DSCAM: variants seen among roughly 807,000 people sequenced by gnomAD.
DSCAM encodes cell adhesion molecule DSCAM.
DSCAM carries 47 observed loss-of-function variants against 217.7 expected under a neutral mutation model. That is an observed-to-expected ratio of 0.22 (90% CI 0.17 to 0.28). The LOEUF is 0.28. Among genes scored for constraint, DSCAM ranks in the 10% least tolerant of loss-of-function variants. The pLI, the probability that DSCAM is intolerant of heterozygous loss-of-function variation, is 1.00. For synonymous variants in DSCAM, 1,056 were observed against 1,015.3 expected (o/e 1.04, Z -0.76); for missense variants, 2,080 against 2,618.3 (o/e 0.79, Z 4.49).
chr21:40,107,132 A>C (rs2089831317), intron 20 of DSCAM, among the ~76,000 whole-genome samples: 1 of 152,052 alleles, frequency 6.6e-6, no homozygotes, highest in South Asian at 2.1e-4. Flanking sequence ...CTCTCTTAAC[A>C]CTGCCTTAGC....
intron 31 of DSCAM, among the ~76,000 whole-genome samples, chr21:40,043,612 CA>C (rs2088794390): frequency 6.6e-6 from 1 of 152,132 alleles, no homozygotes; most frequent in Non-Finnish European, 1.5e-5. Flanking sequence ...ACCTTATAAC[CA>C]ACCCCTGTTT....
intron 3 of DSCAM, among the ~76,000 whole-genome samples, chr21:40,600,040 G>T (rs1285657464): frequency 6.6e-6 from 1 of 152,166 alleles, no homozygotes; most frequent in Admixed American, 6.5e-5. Context: ...AGAGGAGCTG[G>T]TACCATCCTT....
chr21:40,518,666 G>GTA (rs1274424803), intron 3 of DSCAM, among the ~76,000 whole-genome samples: 1 of 132,282 alleles, frequency 7.6e-6, no homozygotes, highest in Non-Finnish European at 1.6e-5. Flanking sequence ...GTATATATAT[G>GTA]TGTATGTGTG....
intron 32 of DSCAM, among the ~76,000 whole-genome samples, chr21:40,035,448 T>G (rs1255278487): frequency 7.9e-6 from 1 of 126,652 alleles, no homozygotes; most frequent in African/African-American, 3.5e-5. Flanking sequence ...AGGGATCAAT[T>G]CAACAAGAAG....
chr21:40,360,475 A>G (rs1721325912), intron 4 of DSCAM, among the ~76,000 whole-genome samples: 2 of 151,862 alleles, frequency 1.3e-5, no homozygotes, highest in Non-Finnish European at 1.5e-5. Flanking sequence ...TGCCTTCCAC[A>G]GTCTAGTGTC....
At chr21:40,593,746 G>A (rs1178712554) in intron 3 of DSCAM, among the ~76,000 whole-genome samples, 3 of 152,194 alleles carry the variant, frequency 2.0e-5, no homozygotes, top group African/African-American at 7.2e-5. Context: ...GAGCTAGAAT[G>A]CTCAGTCTGA....
intron 3 of DSCAM, among the ~76,000 whole-genome samples, chr21:40,668,391 G>T (rs2090228768): frequency 6.6e-6 from 1 of 152,184 alleles, no homozygotes; most frequent in Non-Finnish European, 1.5e-5. Flanking sequence ...AACTCACTTG[G>T]AAAGTTTTTC....
At chr21:40,680,411 C>T (rs2090387357) in intron 3 of DSCAM, among the ~76,000 whole-genome samples, 1 of 152,148 alleles carries the variant, frequency 6.6e-6, no homozygotes, top group African/African-American at 2.4e-5. Flanking sequence ...AGGTATTTAA[C>T]TATGGAAGGT....
At chr21:40,317,522 T>G (rs1290118174) in intron 8 of DSCAM, among the ~76,000 whole-genome samples, 1 of 152,116 alleles carries the variant, frequency 6.6e-6, no homozygotes, top group Non-Finnish European at 1.5e-5. Context: ...GTTCTTTTTT[T>G]TTCTTTTCTT....
chr21:40,476,716 T>C (rs62225479), intron 3 of DSCAM, among the ~76,000 whole-genome samples: 34,683 of 151,946 alleles, frequency 0.23, 5,188 homozygotes, highest in African/African-American at 0.42. Flanking sequence ...GCAGGGCAGG[T>C]CATAGGGAAA....
At chr21:40,718,692 A>G (rs1038970552) in intron 1 of DSCAM, among the ~76,000 whole-genome samples, 3 of 152,242 alleles carry the variant, frequency 2.0e-5, no homozygotes, top group Non-Finnish European at 4.4e-5. Context: ...AAGTGTAAAG[A>G]ACAAGAAGAG....
intron 32 of DSCAM, among the ~76,000 whole-genome samples, chr21:40,028,799 C>T (rs893347155): frequency 1.3e-5 from 2 of 152,204 alleles, no homozygotes; most frequent in African/African-American, 2.4e-5. Context: ...CCGTCTTCTG[C>T]GTCGCTCACG....
chr21:40,079,416 G>C (rs2089420260), intron 25 of DSCAM, among the ~76,000 whole-genome samples: 1 of 152,104 alleles, frequency 6.6e-6, no homozygotes, highest in Non-Finnish European at 1.5e-5. Flanking sequence ...GGACCTAAAG[G>C]ATATATTTCT....
intron 1 of DSCAM, among the ~76,000 whole-genome samples, chr21:40,777,791 T>C (rs191116251): frequency 1.8e-4 from 27 of 152,196 alleles, no homozygotes; most frequent in South Asian, 1.2e-3. Context: ...TACAATATAC[T>C]GAGATAAATA....
intron 3 of DSCAM, among the ~76,000 whole-genome samples, chr21:40,495,510 T>G (rs2076110986): frequency 6.6e-6 from 1 of 152,110 alleles, no homozygotes; most frequent in Non-Finnish European, 1.5e-5. Context: ...TCTCAACAAA[T>G]TAGGTATAGA....
At chr21:40,141,253 C>T (rs2090286330) in intron 18 of DSCAM, among the ~76,000 whole-genome samples, 1 of 152,088 alleles carries the variant, frequency 6.6e-6, no homozygotes, top group South Asian at 2.1e-4. Flanking sequence ...AGGGATAGGT[C>T]CTTGACCGCA....
chr21:40,671,570 T>C (rs955718920), intron 3 of DSCAM, among the ~76,000 whole-genome samples: 2 of 151,740 alleles, frequency 1.3e-5, no homozygotes, highest in African/African-American at 4.8e-5. Flanking sequence ...GTGCCTGTAG[T>C]CCCAGCTACT....
intron 3 of DSCAM, among the ~76,000 whole-genome samples, chr21:40,426,776 G>A (rs1168036286): frequency 6.6e-6 from 1 of 152,088 alleles, no homozygotes; most frequent in Non-Finnish European, 1.5e-5. Flanking sequence ...ACATGACAAT[G>A]GGAATGGTGT....
At chr21:40,773,664 C>T (rs547689820) in intron 1 of DSCAM, among the ~76,000 whole-genome samples, 1 of 152,300 alleles carries the variant, frequency 6.6e-6, no homozygotes, top group South Asian at 2.1e-4. Context: ...GGTAAGTAAG[C>T]AAAAGAAAGC....
Sources: gnomAD v4.1 joint callset for allele counts (sites outside exome capture counted in the v4.1 genomes callset) on GRCh38, gnomAD v4.1.1 for gene constraint, MANE v1.5 for transcripts, NCBI Gene and HGNC (gene_info 2026-07-23, HGNC 2026-07-21) for gene names.